Variants in CHD3 observed in about 807,000 individuals in gnomAD.
CHD3 encodes the protein chromodomain helicase DNA binding protein 3.
Under a neutral mutation model 248.9 loss-of-function variants are expected in CHD3, and 52 were observed. The observed-to-expected ratio is 0.21, with a 90% CI of 0.17 to 0.26. The LOEUF is 0.26. CHD3 is among the 10% of genes least tolerant of loss of function. The pLI is 1.00. For synonymous variants in CHD3, 985 were observed against 985.2 expected, an observed-to-expected ratio of 1.00 and a Z score of 0.00; for missense variants, 1,482 against 2,605.8, an observed-to-expected ratio of 0.57 and a Z score of 9.39.
upstream of CHD3, chr17:7,885,109 C>CCA: frequency 1.0e-6 from 1 of 982,722 alleles, no homozygotes; most frequent in Non-Finnish European, 1.2e-6. Flanking sequence ...GACTCCCCCC[C>CCA]CAAGCCCGAG....
chr17:7,891,721 C>T (rs1048092094), intron 4 of CHD3, among the ~76,000 whole-genome samples: 5 of 151,880 alleles, frequency 3.3e-5, no homozygotes, highest in Middle Eastern at 3.2e-3. Context: ...ATTAGCTGGG[C>T]GTGGTGGCAC....
At chr17:7,892,709 A>G (rs1969060570) in intron 4 of CHD3, among the ~76,000 whole-genome samples, 1 of 151,860 alleles carries the variant, frequency 6.6e-6, no homozygotes, top group African/African-American at 2.4e-5. Context: ...GTTGGCCAGG[A>G]TGGTCTCCAT....
At chr17:7,894,777 A>C in intron 8 of CHD3, 140 bp from the exon 9 acceptor site, 2 of 1,410,208 alleles carry the variant, frequency 1.4e-6, no homozygotes, top group South Asian at 2.7e-5. Flanking sequence ...AACATTTCTG[A>C]AACTGGAGTG....
Position 7,905,007 on chromosome 17 carries a change from G to A in CHD3, c.4073-93G>A, listed in dbSNP as rs1970753600. On this transcript the variant is annotated intron_variant, in intron 25 of 39. Coordinates refer to ENST00000330494, the MANE Select transcript of CHD3 (RefSeq NM_001005273.3). The surrounding 1 kb of genome is among the most constrained non-coding windows in gnomAD (Gnocchi z 5.8). ...CCAAGGCCAGAATAAAGGTAGACAA[G>A]TCTCGGCAGGGAGGAATCCAGCCAG... 8.6e-7 allele frequency: 1 copy of A among 1,164,622 alleles called. No homozygotes were observed. The highest frequency in any genetic ancestry group is 1.7e-5 in the Admixed American group (1 of 58,322). The allele number at this position is 1,164,622 out of a possible 1,614,324, so 72.1% of individuals were successfully genotyped here. A position where few individuals can be genotyped will look rare whatever the true frequency, so the allele number is the denominator to read the frequency against.
rs779968423 is a variant in CHD3 at position 7,911,693 on chromosome 17, T to C, written c.*108T>C. On this transcript the variant is annotated 3_prime_UTR_variant, in exon 40 of 40. Coordinates refer to ENST00000330494, the MANE Select transcript of CHD3 (RefSeq NM_001005273.3). This position sits in a 1 kb window ranked among gnomAD's most constrained non-coding sequence, Gnocchi z 5.4. ...TCCACCTTCCCCACCCCTTGGGCCA[T>C]CACTGGGCTAGGAACCCCTTTGCCC... The C allele has an allele frequency of 6.3e-7, 1 of 1,583,218 alleles. No individual in the cohort carries two copies.
chr17:7,900,056 A>G lies in CHD3; in HGVS notation c.2682+23A>G, dbSNP rs747582162. 1.7e-5 allele frequency: 27 copies of G among 1,584,166 alleles called. No homozygotes were observed. In the East Asian group the frequency reaches 4.7e-4, roughly 28 times the overall value. ...AAGGTGAGTGAGGTTTCCAGACCTA[A>G]AAAACTTGAAGTTGTGGACTTCCCA... On this transcript the variant is annotated intron_variant, in intron 16 of 39. Coordinates refer to ENST00000330494, the MANE Select transcript of CHD3 (RefSeq NM_001005273.3). This position sits in a 1 kb window ranked among gnomAD's most constrained non-coding sequence, Gnocchi z 6.5.
rs750470178 is a variant in CHD3 at position 7,907,117 on chromosome 17, C to G, written c.4667-9C>G. On this transcript the variant is annotated splice_polypyrimidine_tract_variant and intron_variant, in intron 30 of 39. Transcript: ENST00000330494. The surrounding 1 kb of genome is among the most constrained non-coding windows in gnomAD (Gnocchi z 4.3). Reference sequence around the variant, plus strand: ...ATCTCTGTCTTTATCACTGTGCCTTCCCCTGCAGCTACTCCAGCTCCAAGT... The same window carrying G: ...ATCTCTGTCTTTATCACTGTGCCTTGCCCTGCAGCTACTCCAGCTCCAAGT... 5.0e-6 allele frequency: 8 copies of G among 1,614,064 alleles called. No homozygotes were observed. The African/African-American group carries it at 9.3e-5, about 19-fold the overall frequency.
intron 20 of CHD3, among the ~76,000 whole-genome samples, chr17:7,902,255 C>CTAAA: frequency 2.6e-5 from 4 of 151,918 alleles, no homozygotes; most frequent in African/African-American, 9.7e-5. Flanking sequence ...AACCCTGTCT[C>CTAAA]TACTTAAAAT....
rs369524414 is a variant in CHD3, at chr17:7,908,642, A to G, written c.5262-55A>G. The G allele has an allele frequency of 2.9e-5, 47 of 1,609,660 alleles. No homozygotes were observed. In the East Asian group the frequency reaches 8.5e-4, roughly 29 times the overall value. ...TCAAGCCAAAAGGAAGAAGTGTTCA[A>G]AGCCAAGCCCATTCCTGTTAAATTC... On this transcript the variant is annotated intron_variant, in intron 35 of 39. Transcript: ENST00000330494. The surrounding 1 kb of genome is among the most constrained non-coding windows in gnomAD (Gnocchi z 5.8).
At chr17:7,902,197 G>C (rs1970398423) in intron 20 of CHD3, among the ~76,000 whole-genome samples, 1 of 152,116 alleles carries the variant, frequency 6.6e-6, no homozygotes, top group Non-Finnish European at 1.5e-5. Context: ...GAGGCAGGAA[G>C]ATCACTTGAG....
In CHD3 at chr17:7,911,914, G is replaced by A. The variant is rs1971712937; in HGVS notation, c.*329G>A. The A allele has an allele frequency of 2.3e-6, 1 of 432,014 alleles. No individual in the cohort carries two copies. Among genetic ancestry groups the A allele is most frequent in the African/African-American group, 2.1e-5 (1 of 48,456 alleles). 26.8% of individuals were successfully genotyped at this position (432,014 alleles called of 1,614,324 possible). On this transcript the variant is annotated 3_prime_UTR_variant, in exon 40 of 40. Transcript: ENST00000330494. This position sits in a 1 kb window ranked among gnomAD's most constrained non-coding sequence, Gnocchi z 5.4. ...AGTAAATGGTTGTGGGGAGGAAAGA[G>A]GTGGAGCCTCCCCAGCCGTTTCCCT...
At position 7,912,738 on chromosome 17, in the gene CHD3, A is replaced by G. The variant is rs1971793751; in HGVS notation, c.*1153A>G. ...TATCAGGTTTATTGGTTGTACATAT[A>G]AATTATACTTTCCTTTCTGTGTGCT... On this transcript the variant is annotated 3_prime_UTR_variant, in exon 40 of 40. Transcript: ENST00000330494. The G allele has an allele frequency of 8.6e-6, 1 of 116,236 alleles. No homozygotes were observed. Among genetic ancestry groups the G allele is most frequent in the African/African-American group, 3.4e-5 (1 of 29,730 alleles). 7.2% of individuals were successfully genotyped at this position (116,236 alleles called of 1,614,324 possible). A position where few individuals can be genotyped will look rare whatever the true frequency, so the allele number is the denominator to read the frequency against.
Position 7,895,018 on chromosome 17 carries a change from G to A in CHD3, c.1371G>A (p.Glu457=), listed in dbSNP as rs1329689347. The change falls in exon 9 of 40, where the codon GAG becomes GAA. Residue 457 remains glutamate (E), a synonymous_variant. Coordinates refer to ENST00000330494, the MANE Select transcript of CHD3 (RefSeq NM_001005273.3). The surrounding 1 kb of genome is among the most constrained non-coding windows in gnomAD (Gnocchi z 4.9). ...AGGAGGAGGAGGATGATCACATGGA[G>A]TACTGCCGCGTATGCAAGGACGGCG... ...GEKEEEDDHM[E]YCRVCKDGGE... The A allele has an allele frequency of 1.2e-6, 2 of 1,614,048 alleles. No homozygotes were observed. Among genetic ancestry groups the A allele is most frequent in the Admixed American group, 1.7e-5 (1 of 60,010 alleles).
At position 7,906,454 on chromosome 17, in the gene CHD3, TG is replaced by T; in HGVS notation, c.4359-94del. On this transcript the variant is annotated intron_variant, in intron 28 of 39. Coordinates refer to ENST00000330494, the MANE Select transcript of CHD3 (RefSeq NM_001005273.3). The surrounding 1 kb of genome is among the most constrained non-coding windows in gnomAD (Gnocchi z 5.0). ...AGGAGCCCTGGAGCACCTGGGGATT[TG>T]GGGGTTTGGGGGTCCTCAGTCATCC... 1 of 1,282,188 alleles carries T rather than the reference TG, an allele frequency of 7.8e-7. No homozygotes were observed. The highest frequency in any genetic ancestry group is 1.1e-6 in the Non-Finnish European group (1 of 902,774). The allele number at this position is 1,282,188 out of a possible 1,614,324, so 79.4% of individuals were successfully genotyped here. A position where few individuals can be genotyped will look rare whatever the true frequency, so the allele number is the denominator to read the frequency against.
rs1465443554 is a variant in CHD3, at chr17:7,894,907, G to C, written c.1270-10G>C. ...TCCATCTGTCTGTGTGTCTATCCTT[G>C]GCCCCCTAGGAGAAGGAGGGGGTCC... On this transcript the variant is annotated splice_polypyrimidine_tract_variant and intron_variant, in intron 8 of 39. Coordinates refer to ENST00000330494, the MANE Select transcript of CHD3 (RefSeq NM_001005273.3). The C allele has an allele frequency of 6.2e-7, 1 of 1,612,194 alleles. No individual in the cohort carries two copies. Among genetic ancestry groups the C allele is most frequent in the Non-Finnish European group, 8.5e-7 (1 of 1,179,588 alleles).
rs749795882 is a variant in CHD3 at position 7,907,996 on chromosome 17, A to G, written c.5129A>G (p.Asn1710Ser). 4.4e-6 allele frequency: 7 copies of G among 1,607,360 alleles called. No individual in the cohort carries two copies. The highest frequency in any genetic ancestry group is 1.3e-5 in the African/African-American group (1 of 74,758). The change falls in exon 34 of 40, where the codon AAT (asparagine) becomes AGT (serine). Residue 1710 changes from asparagine (N) to serine (S), a missense_variant. Asn to Ser is a conservative substitution (Grantham distance 46). Transcript: ENST00000330494. This position sits in a 1 kb window ranked among gnomAD's most constrained non-coding sequence, Gnocchi z 4.3. ...ACAGAGAAGCCCCGGTTCATGTTCA[A>G]TATCGCCGATGGTGGCTTCACAGGT... ...EKTEKPRFMF[N>S]IADGGFTELH...
chr17:7,911,824 G>T lies in CHD3; in HGVS notation c.*239G>T. The stretch of plus-strand genomic sequence containing the variant: ...TGTGCTGGTGAGAAGAAGTCTGGGT[G>T]GGAGATGGCTGGCAGGGTCTTCCAA... On this transcript the variant is annotated 3_prime_UTR_variant, in exon 40 of 40. Transcript: ENST00000330494. The surrounding 1 kb of genome is among the most constrained non-coding windows in gnomAD (Gnocchi z 5.4). 1 of 1,273,536 alleles carries T rather than the reference G, an allele frequency of 7.9e-7. No individual in the cohort carries two copies. Among genetic ancestry groups the T allele is most frequent in the Non-Finnish European group, 1.1e-6 (1 of 950,716 alleles). The allele number at this position is 1,273,536 out of a possible 1,614,324, so 78.9% of individuals were successfully genotyped here. A position where few individuals can be genotyped will look rare whatever the true frequency, so the allele number is the denominator to read the frequency against.
intron 5 of CHD3, 101 bp from the exon 6 acceptor site, chr17:7,893,704 A>G (rs1344449138): frequency 3.3e-6 from 5 of 1,534,434 alleles, no homozygotes; most frequent in East Asian, 2.3e-5. Context: ...GCTTAGTGAA[A>G]CCACAGCCCA....
At chr17:7,885,034 G>A (rs1351002629), upstream of CHD3, 1 of 1,119,810 alleles carries the variant, frequency 8.9e-7, no homozygotes, top group Non-Finnish European at 1.1e-6. Flanking sequence ...TCCCGCCGCC[G>A]CCGCCGCCGC....
Sources: gnomAD v4.1 joint callset for allele counts (sites outside exome capture counted in the v4.1 genomes callset) on GRCh38, gnomAD v4.1.1 for gene constraint, Gnocchi (gnomAD v3.1) non-coding constraint, MANE v1.5 for transcripts, NCBI Gene and HGNC (gene_info 2026-07-23, HGNC 2026-07-21) for gene names.